The following RERE variants were observed in gnomAD, a reference collection of about 807,000 sequenced individuals.
The protein encoded by RERE is arginine-glutamic acid dipeptide repeats.
In RERE, 40 loss-of-function variants were observed where a neutral mutation model predicts 146.1. The ratio of observed to expected loss-of-function variants is 0.27; its 90% CI spans 0.21 to 0.36. RERE has a LOEUF of 0.36. RERE is among the 10% of genes least tolerant of loss of function. The pLI, the probability that RERE is intolerant of heterozygous loss-of-function variation, is 1.00. For synonymous variants in RERE, 1,003 were observed against 866.0 expected (o/e 1.16, Z -2.78); for missense variants, 1,933 against 2,138.7 (o/e 0.90, Z 1.90).
At chr1:8,451,385 T>C (rs965025874) in intron 11 of RERE, among the ~76,000 whole-genome samples, 3 of 152,162 alleles carry the variant, frequency 2.0e-5, no homozygotes, top group African/African-American at 7.2e-5. Context: ...TGAGCTGAGA[T>C]TGTGCCACTG....
rs1046190695 is a variant in RERE, at chr1:8,630,823, T to C, written c.326-6443A>G. Among the ~76,000 whole-genome samples the C allele has an allele frequency of 7.8e-4, 118 of 152,236 alleles. 2 individuals are homozygous for C. Among genetic ancestry groups the C allele is most frequent in the Admixed American group, 7.1e-3 (108 of 15,288 alleles). On this transcript the variant is annotated intron_variant, in intron 2 of 22. Transcript: ENST00000400908. ...CCATAAATGAAGCCTTCCCAGTCCT[T>C]ACCCTTACTCTGTTTATCAACTGTT...
intron 2 of RERE, among the ~76,000 whole-genome samples, chr1:8,636,572 T>G (rs1366858440): frequency 6.6e-6 from 1 of 151,454 alleles, no homozygotes; most frequent in Non-Finnish European, 1.5e-5. Flanking sequence ...ATAATAATAT[T>G]AAATAAAATA....
chr1:8,367,629 C>T (rs186472172), intron 12 of RERE, among the ~76,000 whole-genome samples: 3 of 152,216 alleles, frequency 2.0e-5, no homozygotes, highest in Non-Finnish European at 4.4e-5. Context: ...TGTCCCTACA[C>T]GTATGTGCAT....
At chr1:8,592,873 T>C (rs1458877390) in intron 4 of RERE, among the ~76,000 whole-genome samples, 1 of 152,208 alleles carries the variant, frequency 6.6e-6, no homozygotes, top group Non-Finnish European at 1.5e-5. Flanking sequence ...AAAATACAAA[T>C]ACATGTAAAA....
intron 1 of RERE, among the ~76,000 whole-genome samples, chr1:8,762,784 C>T (rs1056066050): frequency 2.0e-5 from 3 of 152,152 alleles, no homozygotes; most frequent in African/African-American, 7.2e-5. Context: ...TTGATGTTTC[C>T]ACCATAAGGT....
intron 5 of RERE, 57 bp from the exon 6 acceptor site, chr1:8,556,628 A>G: frequency 9.0e-7 from 1 of 1,110,060 alleles, no homozygotes; most frequent in Middle Eastern, 2.3e-4. Flanking sequence ...ACAAGTAAAA[A>G]AAATTTGTAA....
intron 7 of RERE, among the ~76,000 whole-genome samples, chr1:8,529,394 A>T (rs927571416): frequency 6.9e-6 from 1 of 144,640 alleles, no homozygotes; most frequent in Non-Finnish European, 1.5e-5. Context: ...GGTTCACGCC[A>T]TTCTCCTGCC....
chr1:8,401,038 C>CATATATAT (rs59752248), intron 12 of RERE, among the ~76,000 whole-genome samples: 993 of 57,302 alleles, frequency 0.017, 30 homozygotes, highest in Non-Finnish European at 0.027. Context: ...AAAAAAAAAC[C>CATATATAT]ATATATATAT....
In RERE at chr1:8,541,336, A is replaced by C; in HGVS notation, c.726-18T>G. 6.6e-7 allele frequency: 1 copy of C among 1,513,552 alleles called. No homozygotes were observed. The highest frequency in any genetic ancestry group is 9.2e-7 in the Non-Finnish European group (1 of 1,091,536). 93.8% of individuals were successfully genotyped at this position (1,513,552 alleles called of 1,614,324 possible). A position where few individuals can be genotyped will look rare whatever the true frequency, so the allele number is the denominator to read the frequency against. On this transcript the variant is annotated intron_variant, in intron 6 of 22. Coordinates refer to ENST00000400908, the MANE Select transcript of RERE (RefSeq NM_001042681.2). ...ACTTCCCTCTGGGAAAAAGAGAAAA[A>C]AATAATTAGTAATACCCTCAACTGC...
intron 11 of RERE, among the ~76,000 whole-genome samples, chr1:8,430,436 T>G (rs1341505492): frequency 6.6e-6 from 1 of 152,224 alleles, no homozygotes; most frequent in Admixed American, 6.5e-5. Context: ...TGAAACTAGT[T>G]AGAGTTTAAA....
chr1:8,685,369 A>G (rs1223773213), intron 1 of RERE, among the ~76,000 whole-genome samples: 1 of 149,580 alleles, frequency 6.7e-6, no homozygotes, highest in African/African-American at 2.5e-5. Flanking sequence ...AGCTACAACC[A>G]TATTTCCAAG....
At position 8,360,766 on chromosome 1, in the gene RERE, C is replaced by T. The variant is rs781218645; in HGVS notation, c.2741G>A (p.Arg914Gln). ...QSALQSQQPP[R>Q]EQPLPPAPLA... ...GGGCGCTGGTGGCAGGGGCTGCTCC[C>T]GTGGAGGCTGTTGGGACTGCAGCGC... is the stretch of plus-strand genomic sequence containing the variant. The change falls in exon 18 of 23, where the codon CGG becomes CAG. Residue 914 changes from arginine to glutamine, a missense_variant. By Grantham distance (43) the Arg-to-Gln change is conservative. Coordinates refer to ENST00000400908, the MANE Select transcript of RERE (RefSeq NM_001042681.2). The T allele has an allele frequency of 4.6e-5, 74 of 1,598,042 alleles. No individual in the cohort carries two copies. Among genetic ancestry groups the T allele is most frequent in the Non-Finnish European group, 5.8e-5 (68 of 1,176,500 alleles).
At chr1:8,593,623 A>G (rs1174661851) in intron 4 of RERE, among the ~76,000 whole-genome samples, 1 of 152,236 alleles carries the variant, frequency 6.6e-6, no homozygotes, top group Non-Finnish European at 1.5e-5. Context: ...ATGAGAACAG[A>G]CTAATACACC....
intron 10 of RERE, among the ~76,000 whole-genome samples, chr1:8,470,042 C>T (rs529518409): frequency 6.6e-6 from 1 of 152,248 alleles, no homozygotes; most frequent in East Asian, 1.9e-4. Flanking sequence ...CTCGAGCTTC[C>T]TTCCCTACTC....
chr1:8,546,055 T>C (rs993656368), intron 6 of RERE, among the ~76,000 whole-genome samples: 2 of 140,460 alleles, frequency 1.4e-5, no homozygotes, highest in Non-Finnish European at 3.0e-5. Context: ...AGCGGTTTGA[T>C]CTCAGCTCAC....
intron 3 of RERE, among the ~76,000 whole-genome samples, chr1:8,616,892 AT>A (rs1230046463): frequency 6.6e-6 from 1 of 152,212 alleles, no homozygotes; most frequent in Non-Finnish European, 1.5e-5. Flanking sequence ...ATTTCCACTT[AT>A]GTTAATACCA....
intron 1 of RERE, among the ~76,000 whole-genome samples, chr1:8,721,948 A>T (rs1639872362): frequency 1.3e-5 from 2 of 152,184 alleles, no homozygotes; most frequent in Non-Finnish European, 2.9e-5. Context: ...CGCTTTGCAG[A>T]TACTACTTTT....
In RERE at chr1:8,564,826, ATGTGTATGTGTGTG is replaced by A. The variant is rs1462868703; in HGVS notation, c.523-7317_523-7304del. Among the ~76,000 whole-genome samples, 585 of 117,938 alleles carry A rather than the reference ATGTGTATGTGTGTG, an allele frequency of 5.0e-3. 3 individuals are homozygous for A. The highest frequency in any genetic ancestry group is 0.018 in the African/African-American group (525 of 28,838). 77.4% of individuals were successfully genotyped at this position (117,938 alleles called of 152,430 possible). ...TGTGTGTGTATGTATGTGTGTGTAT[ATGTGTATGTGTGTG>A]TGTGTGTGTGTGTGTGTGTGTGTGT... On this transcript the variant is annotated intron_variant, in intron 4 of 22. Coordinates refer to ENST00000400908, the MANE Select transcript of RERE (RefSeq NM_001042681.2).
chr1:8,667,992 A>G (rs1014605728), intron 1 of RERE, among the ~76,000 whole-genome samples: 4 of 152,254 alleles, frequency 2.6e-5, no homozygotes, highest in Admixed American at 2.0e-4. Context: ...CCACTGCTCC[A>G]GTGAGAACTA....
Sources: gnomAD v4.1 joint callset for allele counts (sites outside exome capture counted in the v4.1 genomes callset) on GRCh38, gnomAD v4.1.1 for gene constraint, MANE v1.5 for transcripts, NCBI Gene and HGNC (gene_info 2026-07-23, HGNC 2026-07-21) for gene names.